Variants in LRMDA observed in about 807,000 individuals in gnomAD.
LRMDA encodes leucine rich melanocyte differentiation associated, also known as leucine-rich melanocyte differentiation-associated protein.
A neutral mutation model predicts 29.8 loss-of-function variants in LRMDA; 18 were observed. That is an observed-to-expected ratio of 0.60 (90% CI 0.42 to 0.90). The LOEUF (loss-of-function observed/expected upper bound fraction) is 0.90, where lower values mean the gene tolerates loss of function less well. Among genes scored for constraint, LRMDA ranks in the 40% least tolerant of loss-of-function variants. The probability of loss-of-function intolerance (pLI) is 0.00; values close to 1 mark genes in which losing one functional copy is unlikely to be tolerated. For synonymous variants in LRMDA, 125 were observed against 109.4 expected, an observed-to-expected ratio of 1.14 and a Z score of -0.89; for missense variants, 273 against 273.9, an observed-to-expected ratio of 1.00 and a Z score of 0.02.
At chr10:76,355,722 T>C (rs1841231510) in intron 6 of LRMDA, among the ~76,000 whole-genome samples, 1 of 152,194 alleles carries the variant, frequency 6.6e-6, no homozygotes, top group South Asian at 2.1e-4. Flanking sequence ...CATGTCTAAC[T>C]GCATAAGTTG....
chr10:75,675,079 G>A lies in LRMDA; in HGVS notation c.131+236585G>A, dbSNP rs536115071. Among the ~76,000 whole-genome samples the A allele has an allele frequency of 8.5e-5, 13 of 152,312 alleles. No individual in the cohort carries two copies. The South Asian group carries it at 2.5e-3, about 29-fold the overall frequency. On this transcript the variant is annotated intron_variant, in intron 2 of 6. Coordinates refer to ENST00000611255, the MANE Select transcript of LRMDA (RefSeq NM_001305581.2). ...ATCAGAGTTTTCAATCCTTGAAAAT[G>A]CTGGTGGGATCATGTCTTCTTCTTG...
At chr10:76,317,104 A>G (rs1269547434) in intron 5 of LRMDA, among the ~76,000 whole-genome samples, 1 of 152,196 alleles carries the variant, frequency 6.6e-6, no homozygotes, top group African/African-American at 2.4e-5. Context: ...CAATGCAGAG[A>G]GAGTGTGGGG....
intron 6 of LRMDA, among the ~76,000 whole-genome samples, chr10:76,435,068 T>C (rs1842231817): frequency 6.6e-6 from 1 of 152,202 alleles, no homozygotes; most frequent in Admixed American, 6.5e-5. Context: ...GACCATTCTC[T>C]GGTAATCTAC....
At chr10:75,577,609 A>G (rs1840523953) in intron 2 of LRMDA, among the ~76,000 whole-genome samples, 1 of 152,212 alleles carries the variant, frequency 6.6e-6, no homozygotes, top group African/African-American at 2.4e-5. Flanking sequence ...GGTTGAAATG[A>G]AGGTAAAAAT....
At chr10:76,367,990 T>G (rs1475265710) in intron 6 of LRMDA, among the ~76,000 whole-genome samples, 1 of 152,190 alleles carries the variant, frequency 6.6e-6, no homozygotes, top group East Asian at 1.9e-4. Flanking sequence ...ATCTTCTGTC[T>G]TCTTTTCTTG....
At chr10:76,265,321 T>C (rs1243367592) in intron 5 of LRMDA, among the ~76,000 whole-genome samples, 1 of 152,192 alleles carries the variant, frequency 6.6e-6, no homozygotes, top group Non-Finnish European at 1.5e-5. Flanking sequence ...TTATTGCTCT[T>C]CCACCCAGGC....
chr10:76,344,292 A>G (rs956026756), intron 6 of LRMDA, among the ~76,000 whole-genome samples: 2 of 152,218 alleles, frequency 1.3e-5, no homozygotes, highest in Non-Finnish European at 2.9e-5. Context: ...GCAACATAAA[A>G]GATAATAAAT....
At chr10:76,153,656 A>G (rs992935479) in intron 5 of LRMDA, among the ~76,000 whole-genome samples, 12 of 152,218 alleles carry the variant, frequency 7.9e-5, no homozygotes, top group African/African-American at 2.9e-4. Context: ...TTATCAGATA[A>G]AAGTATTCTA....
intron 5 of LRMDA, among the ~76,000 whole-genome samples, chr10:76,282,887 G>C (rs1351735287): frequency 6.6e-6 from 1 of 152,022 alleles, no homozygotes; most frequent in South Asian, 2.1e-4. Context: ...GCTCTGACTG[G>C]TGTGAGCTCT....
chr10:76,034,531 A>G (rs1349301642), intron 2 of LRMDA, among the ~76,000 whole-genome samples: 4 of 152,182 alleles, frequency 2.6e-5, no homozygotes, highest in Non-Finnish European at 4.4e-5. Context: ...ACATGCCGGC[A>G]GAGCTCTGGG....
intron 2 of LRMDA, among the ~76,000 whole-genome samples, chr10:75,702,274 G>C (rs921008360): frequency 6.6e-6 from 1 of 152,168 alleles, no homozygotes; most frequent in Non-Finnish European, 1.5e-5. Flanking sequence ...AGAGGTCACT[G>C]CACATTACCT....
intron 2 of LRMDA, among the ~76,000 whole-genome samples, chr10:75,453,618 A>G (rs1479642735): frequency 6.6e-6 from 1 of 152,198 alleles, no homozygotes; most frequent in Non-Finnish European, 1.5e-5. Context: ...TTCCTCAAAA[A>G]CCCTAATATG....
At chr10:75,930,473 G>A (rs1036899917) in intron 2 of LRMDA, among the ~76,000 whole-genome samples, 6 of 152,028 alleles carry the variant, frequency 3.9e-5, no homozygotes, top group Non-Finnish European at 8.8e-5. Flanking sequence ...GTATGACAGA[G>A]GTCAACTCCT....
At chr10:76,215,604 C>T (rs1225632983) in intron 5 of LRMDA, among the ~76,000 whole-genome samples, 1 of 151,610 alleles carries the variant, frequency 6.6e-6, no homozygotes, top group Non-Finnish European at 1.5e-5. Context: ...AGTTTAAGTG[C>T]AGGACAGGAC....
chr10:76,337,822 TTTGA>T (rs979202634), intron 6 of LRMDA, among the ~76,000 whole-genome samples: 1 of 152,014 alleles, frequency 6.6e-6, no homozygotes, highest in Non-Finnish European at 1.5e-5. Flanking sequence ...AAAGAAATTA[TTTGA>T]TTGGTTAAAG....
intron 2 of LRMDA, among the ~76,000 whole-genome samples, chr10:75,927,099 A>G (rs781512892): frequency 9.9e-5 from 15 of 152,196 alleles, no homozygotes; most frequent in South Asian, 2.1e-4. Flanking sequence ...ATTGGAATGG[A>G]TAGAGCTTAA....
chr10:75,943,299 AG>A (rs1374701432), intron 2 of LRMDA, among the ~76,000 whole-genome samples: 1 of 152,150 alleles, frequency 6.6e-6, no homozygotes, highest in Non-Finnish European at 1.5e-5. Context: ...ACACTCATGG[AG>A]GAGCTTTATA....
At chr10:76,369,483 G>A (rs891340099) in intron 6 of LRMDA, among the ~76,000 whole-genome samples, 5 of 152,134 alleles carry the variant, frequency 3.3e-5, no homozygotes, top group Non-Finnish European at 5.9e-5. Context: ...GAAATCTGCT[G>A]TTAATCTGAT....
chr10:75,756,914 G>GA (rs1262923627), intron 2 of LRMDA, among the ~76,000 whole-genome samples: 8 of 152,142 alleles, frequency 5.3e-5, no homozygotes, highest in African/African-American at 1.7e-4. Flanking sequence ...AATCATTTAG[G>GA]GACTGAGGCC....
Sources: gnomAD v4.1 joint callset for allele counts (sites outside exome capture counted in the v4.1 genomes callset) on GRCh38, gnomAD v4.1.1 for gene constraint, MANE v1.5 for transcripts, NCBI Gene and HGNC (gene_info 2026-07-23, HGNC 2026-07-21) for gene names.